The following HSPG2 variants were observed in gnomAD, a reference collection of about 807,000 sequenced individuals.
HSPG2 encodes the protein basement membrane-specific heparan sulfate proteoglycan core protein.
HSPG2 carries 278 observed loss-of-function variants against 526.6 expected under a neutral mutation model. That is an observed-to-expected ratio of 0.53 (90% CI 0.48 to 0.58). The LOEUF is 0.58. Ranked by LOEUF, HSPG2 falls within the 20% of genes least tolerant of loss-of-function variation. HSPG2 has a pLI of 0.00. For missense variants in HSPG2, 5,354 were observed against 6,099.5 expected (o/e 0.88, Z 4.07); for synonymous variants, 2,465 against 2,555.4 (o/e 0.96, Z 1.07).
At chr1:21,916,406 G>A (rs1253220471) in intron 1 of HSPG2, among the ~76,000 whole-genome samples, 1 of 152,162 alleles carries the variant, frequency 6.6e-6, no homozygotes, top group Non-Finnish European at 1.5e-5. Flanking sequence ...TCGGGAGGAG[G>A]AGGCAGGAGA....
rs763580487 is a variant in HSPG2, at chr1:21,855,424, T to C, written c.5877A>G (p.Gln1959=). The change falls in exon 47 of 97, where the codon CAA becomes CAG. Residue 1959 remains glutamine, a synonymous_variant. Transcript: ENST00000374695. ...HVHGGGGPRV[Q]VSPERTQVHA... is the part of the protein sequence containing the mutation. Reference sequence around the variant, plus strand: ...GGACCTGGGTCCTCTCTGGGCTCACTTGGACTCTGGGCCCACCGCCCCCTG... The same window carrying C: ...GGACCTGGGTCCTCTCTGGGCTCACCTGGACTCTGGGCCCACCGCCCCCTG... The C allele has an allele frequency of 1.9e-6, 3 of 1,613,110 alleles. No homozygotes were observed. Among genetic ancestry groups the C allele is most frequent in the Non-Finnish European group, 2.5e-6 (3 of 1,179,892 alleles).
rs1459395398 is a variant in HSPG2 at position 21,852,156 on chromosome 1, C to T, written c.6802G>A (p.Val2268Met). 1.2e-6 allele frequency: 2 copies of T among 1,613,860 alleles called. No individual in the cohort carries two copies. Among genetic ancestry groups the T allele is most frequent in the East Asian group, 2.2e-5 (1 of 44,896 alleles). Residue 2268 changes from valine to methionine, a missense_variant, in exon 53 of 97, where the codon GTG (valine) becomes ATG (methionine). Transcript: ENST00000374695. ...EGQTLDLSCV[V>M]AGQAHAQVTW... ...ACCTGGGCGTGGGCCTGCCCTGCCACCACGCAGCTCAGATCCAGGGTCTGG... is the reference window on the plus strand; with the variant it reads ...ACCTGGGCGTGGGCCTGCCCTGCCATCACGCAGCTCAGATCCAGGGTCTGG...
chr1:21,859,706 T>C lies in HSPG2; in HGVS notation c.5183-30A>G, dbSNP rs1169754973. The stretch of plus-strand genomic sequence containing the variant: ...TGGGGAGGAGACAAGAGCTTGTTGG[T>C]GCAGATACACTCTTTCTCACATCCA... On this transcript the variant is annotated intron_variant, in intron 41 of 96. Transcript: ENST00000374695. This position sits in a 1 kb window ranked among gnomAD's most constrained non-coding sequence, Gnocchi z 5.3. The C allele has an allele frequency of 1.9e-6, 3 of 1,590,434 alleles. No individual in the cohort carries two copies. The highest frequency in any genetic ancestry group is 2.6e-6 in the Non-Finnish European group (3 of 1,167,368).
Position 21,860,310 on chromosome 1 carries a change from G to T in HSPG2, c.4956-75C>A, listed in dbSNP as rs890581741. 5 of 1,420,472 alleles carry T rather than the reference G, an allele frequency of 3.5e-6. No homozygotes were observed. In the African/African-American group the frequency reaches 5.7e-5, roughly 16 times the overall value. The allele number at this position is 1,420,472 out of a possible 1,614,324, so 88.0% of individuals were successfully genotyped here. A position where few individuals can be genotyped will look rare whatever the true frequency, so the allele number is the denominator to read the frequency against. ...GCCTCATGGTGGACTTGGGGAGCCA[G>T]AAGCTCAGCAGGCCACCCAATGTCA... is the stretch of plus-strand genomic sequence containing the variant. On this transcript the variant is annotated intron_variant, in intron 39 of 96. Coordinates refer to ENST00000374695, the MANE Select transcript of HSPG2 (RefSeq NM_005529.7).
At position 21,875,672 on chromosome 1, in the gene HSPG2, G is replaced by A. The variant is rs1641003220; in HGVS notation, c.3259C>T (p.Leu1087Phe). 1.9e-6 allele frequency: 3 copies of A among 1,603,632 alleles called. No homozygotes were observed. Among genetic ancestry groups the A allele is most frequent in the East Asian group, 4.5e-5 (2 of 44,868 alleles). Residue 1087 changes from leucine (L) to phenylalanine (F), a missense_variant, in exon 25 of 97, where the codon CTC becomes TTC. Coordinates refer to ENST00000374695, the MANE Select transcript of HSPG2 (RefSeq NM_005529.7). Reference protein sequence around the residue: ...LLMALAGIDTLLIRASYAQQP... With the variant: ...LLMALAGIDTFLIRASYAQQP... ...TGGGCGTAGGATGCTCGGATCAGGA[G>A]GGTGTCGATGCCTGCCAGTGCCATC...
intron 1 of HSPG2, among the ~76,000 whole-genome samples, chr1:21,911,724 G>C (rs974835616): frequency 3.9e-5 from 6 of 152,112 alleles, no homozygotes; most frequent in African/African-American, 1.4e-4. Context: ...CAATTTCCCT[G>C]GTGCACAGCC....
Position 21,824,369 on chromosome 1 carries a change from C to T in HSPG2, c.12752G>A (p.Gly4251Glu), listed in dbSNP as rs368125585. The T allele has an allele frequency of 1.4e-5, 22 of 1,613,870 alleles. No individual in the cohort carries two copies. Among genetic ancestry groups the T allele is most frequent in the Non-Finnish European group, 1.7e-5 (20 of 1,180,026 alleles). ...GLLLWQGVEV[G>E]EAGQGKDFIS... Reference sequence around the variant, plus strand: ...GAAGTCCTTGCCTTGGCCGGCCTCTCCCACCTCCTGCCAGGGAAGCACAGG... The same window carrying T: ...GAAGTCCTTGCCTTGGCCGGCCTCTTCCACCTCCTGCCAGGGAAGCACAGG... The change falls in exon 94 of 97, where the codon GGA (glycine) becomes GAA (glutamate). Residue 4251 changes from glycine (G) to glutamate (E), a missense_variant. Coordinates refer to ENST00000374695, the MANE Select transcript of HSPG2 (RefSeq NM_005529.7). The surrounding 1 kb of genome is among the most constrained non-coding windows in gnomAD (Gnocchi z 5.9).
chr1:21,922,673 G>C (rs971082233), intron 1 of HSPG2, among the ~76,000 whole-genome samples: 1 of 152,134 alleles, frequency 6.6e-6, no homozygotes, highest in Non-Finnish European at 1.5e-5. Flanking sequence ...TGAAGCCAAC[G>C]TAAGGTGGAG....
intron 6 of HSPG2, among the ~76,000 whole-genome samples, 179 bp from the exon 7 acceptor site, chr1:21,888,245 G>A (rs1642087078): frequency 1.3e-5 from 2 of 152,218 alleles, no homozygotes; most frequent in Admixed American, 1.3e-4. Context: ...CGTGGGGCAT[G>A]GGACATGCGG....
At chr1:21,927,840 A>C (rs1316211253) in intron 1 of HSPG2, among the ~76,000 whole-genome samples, 1 of 152,256 alleles carries the variant, frequency 6.6e-6, no homozygotes, top group African/African-American at 2.4e-5. Flanking sequence ...ACTGCGAAAG[A>C]GGCCCAGGGA....
intron 1 of HSPG2, among the ~76,000 whole-genome samples, chr1:21,905,964 T>C (rs964263246): frequency 6.6e-6 from 1 of 152,206 alleles, no homozygotes; most frequent in African/African-American, 2.4e-5. Flanking sequence ...GAGCTATGAT[T>C]GCACCACTGT....
rs1161238810 is a variant in HSPG2, at chr1:21,828,809, G to A, written c.12237+26C>T. The A allele has an allele frequency of 6.5e-7, 1 of 1,547,928 alleles. No individual in the cohort carries two copies. Among genetic ancestry groups the A allele is most frequent in the Non-Finnish European group, 8.7e-7 (1 of 1,145,930 alleles). ...CAAGGCTTGGCACCCCTCCCCTCCC[G>A]CTTGTCCCGAGGAGGCTGCTCTTAC... On this transcript the variant is annotated intron_variant, in intron 88 of 96. Transcript: ENST00000374695. This position sits in a 1 kb window ranked among gnomAD's most constrained non-coding sequence, Gnocchi z 6.0.
Position 21,857,213 on chromosome 1 carries a change from AGG to A in HSPG2, c.5395-20_5395-19del. 2.5e-6 allele frequency: 4 copies of A among 1,614,084 alleles called. No individual in the cohort carries two copies. The highest frequency in any genetic ancestry group is 3.4e-6 in the Non-Finnish European group (4 of 1,179,992). ...GCTGGGGACTGCAGGGCAAGGCGAA[AGG>A]GGGTCATGGGTGGGGCTCAGAGACC... is the stretch of plus-strand genomic sequence containing the variant. On this transcript the variant is annotated intron_variant, in intron 43 of 96. Transcript: ENST00000374695.
In HSPG2 at chr1:21,890,615, G is replaced by A. The variant is rs2501260; in HGVS notation, c.324C>T (p.Phe108=). The change falls in exon 4 of 97, where the codon TTC becomes TTT. Residue 108 remains phenylalanine (F), a synonymous_variant. Transcript: ENST00000374695. This position sits in a 1 kb window ranked among gnomAD's most constrained non-coding sequence, Gnocchi z 4.1. ...PQLEDAGSRE[F]REVSEAVVDT... is the part of the protein sequence containing the mutation. ...CTACCACAGCCTCGGACACCTCTCG[G>A]AACTCTCTGGAGCCTGCATCCTCCA... is the stretch of plus-strand genomic sequence containing the variant. 1,601,007 of 1,613,984 alleles carry A rather than the reference G, an allele frequency of 0.99. 794,937 individuals carry two copies. Among genetic ancestry groups the A allele is most frequent in the East Asian group, 1 (44,868 of 44,868 alleles).
Position 21,833,245 on chromosome 1 carries a change from C to A in HSPG2, c.11095+23G>T, listed in dbSNP as rs750619154. On this transcript the variant is annotated intron_variant, in intron 80 of 96. Transcript: ENST00000374695. ...TCCCTCAACCCAGGCCAGCCCACCC[C>A]GCAAATTAACCCTCCTGCTCACCAT... 9.4e-6 allele frequency: 15 copies of A among 1,602,028 alleles called. No homozygotes were observed. In the South Asian group the frequency reaches 1.7e-4, roughly 18 times the overall value.
At chr1:21,908,712 G>A (rs1301980916) in intron 1 of HSPG2, 4 of 506,352 alleles carry the variant, frequency 7.9e-6, no homozygotes, top group Non-Finnish European at 1.4e-5. Context: ...CAACTTAAAC[G>A]ACCCCAAAGC....
rs761516791 is a variant in HSPG2 at position 21,851,937 on chromosome 1, G to A, written c.6871-11C>T. On this transcript the variant is annotated splice_polypyrimidine_tract_variant and intron_variant, in intron 53 of 96. Transcript: ENST00000374695. ...GCGGGAGCCACGAACCTGGGCAGCC[G>A]TGGGCAGAGGTGTGAGGGGGGCTTC... is the stretch of plus-strand genomic sequence containing the variant. 8.1e-6 allele frequency: 13 copies of A among 1,602,044 alleles called. No homozygotes were observed. The highest frequency in any genetic ancestry group is 2.2e-5 in the South Asian group (2 of 90,020).
chr1:21,847,331 G>C lies in HSPG2; in HGVS notation c.8164+23C>G. 1 of 1,613,526 alleles carries C rather than the reference G, an allele frequency of 6.2e-7. No homozygotes were observed. The highest frequency in any genetic ancestry group is 8.5e-7 in the Non-Finnish European group (1 of 1,179,852). ...GGGAACACTGTTGCCTGCATCCCTC[G>C]TCCCTTTCCTAGGCAGACTCACCGG... On this transcript the variant is annotated intron_variant, in intron 62 of 96. Coordinates refer to ENST00000374695, the MANE Select transcript of HSPG2 (RefSeq NM_005529.7). This position sits in a 1 kb window ranked among gnomAD's most constrained non-coding sequence, Gnocchi z 4.1.
rs2097988960 is a variant in HSPG2 at position 21,828,867 on chromosome 1, T to A, written c.12205A>T (p.Met4069Leu). 6.4e-7 allele frequency: 1 copy of A among 1,551,846 alleles called. No homozygotes were observed. Among genetic ancestry groups the A allele is most frequent in the East Asian group, 2.4e-5 (1 of 40,976 alleles). ...PSVPLSPATNMSAHFRGCVGE... is the reference protein window; with the variant it reads ...PSVPLSPATNLSAHFRGCVGE... ...ACACAGCCGCGGAAGTGAGCGCTCA[T>A]GTTGGTGGCCGGGGACAGTGGCACG... Residue 4069 changes from methionine to leucine, a missense_variant, in exon 88 of 97, where the codon ATG becomes TTG. Coordinates refer to ENST00000374695, the MANE Select transcript of HSPG2 (RefSeq NM_005529.7). This position sits in a 1 kb window ranked among gnomAD's most constrained non-coding sequence, Gnocchi z 6.0.
Sources: gnomAD v4.1 joint callset for allele counts (sites outside exome capture counted in the v4.1 genomes callset) on GRCh38, gnomAD v4.1.1 for gene constraint, Gnocchi (gnomAD v3.1) non-coding constraint, MANE v1.5 for transcripts, NCBI Gene and HGNC (gene_info 2026-07-23, HGNC 2026-07-21) for gene names.